CLUL1: variants seen among roughly 807,000 people sequenced by gnomAD.
The protein encoded by CLUL1 is clusterin-like protein 1.
A neutral mutation model predicts 49.4 loss-of-function variants in CLUL1; 43 were observed. The ratio of observed to expected loss-of-function variants is 0.87; its 90% CI spans 0.68 to 1.12. The LOEUF (loss-of-function observed/expected upper bound fraction) is 1.12. Ranked by LOEUF, CLUL1 falls within the 50% of genes most tolerant of loss-of-function variation. CLUL1 has a pLI of 0.00. For synonymous variants in CLUL1, 192 were observed against 184.9 expected (o/e 1.04, Z -0.31); for missense variants, 486 against 544.4 (o/e 0.89, Z 1.07).
intron 1 of CLUL1, among the ~76,000 whole-genome samples, chr18:603,008 G>A (rs1269969009): frequency 6.6e-6 from 1 of 152,074 alleles, no homozygotes; most frequent in Non-Finnish European, 1.5e-5. Flanking sequence ...GGGTCACTGG[G>A]GTGTCATTAG....
At position 606,939 on chromosome 18, in the gene CLUL1, C is replaced by T; in HGVS notation, c.-135-39C>T. The T allele has an allele frequency of 1.7e-6, 1 of 595,484 alleles. No homozygotes were observed. The highest frequency in any genetic ancestry group is 3.0e-6 in the Non-Finnish European group (1 of 335,914). 36.9% of individuals were successfully genotyped at this position (595,484 alleles called of 1,614,324 possible). ...ATATTTGTAATAATTTTAGGCGGCTCCCTAAAATTTCTTTTCTTTTTTCTT... is the reference window on the plus strand; with the variant it reads ...ATATTTGTAATAATTTTAGGCGGCTTCCTAAAATTTCTTTTCTTTTTTCTT... On this transcript the variant is annotated intron_variant, in intron 1 of 9. Transcript: ENST00000692774. The surrounding 1 kb of genome is among the most constrained non-coding windows in gnomAD (Gnocchi z 4.1).
At chr18:626,868 A>G (rs549165302) in intron 5 of CLUL1, among the ~76,000 whole-genome samples, 4 of 168 alleles carry the variant, frequency 0.024, no homozygotes, top group Non-Finnish European at 0.33. Flanking sequence ...CTCAAATAAG[A>G]AAGAAAGAAA....
chr18:649,800 T>C, intron 9 of CLUL1, 98 bp from the exon 10 acceptor site: 1 of 799,550 alleles, frequency 1.3e-6, no homozygotes, highest in Non-Finnish European at 2.1e-6. Flanking sequence ...AGGTATTCTA[T>C]TACCCATCCT....
intron 2 of CLUL1, among the ~76,000 whole-genome samples, chr18:617,387 T>C (rs1598417701): frequency 6.6e-6 from 1 of 152,050 alleles, no homozygotes; most frequent in South Asian, 2.1e-4. Flanking sequence ...CTGAGGTCAG[T>C]AGTTCGAGAC....
Position 626,930 on chromosome 18 carries a change from GGAA to G in CLUL1, c.424-166_424-164del, listed in dbSNP as rs1567966690. Among the ~76,000 whole-genome samples, 35 of 9,968 alleles carry G rather than the reference GGAA, an allele frequency of 3.5e-3. 7 individuals carry two copies. The highest frequency in any genetic ancestry group is 5.2e-3 in the Non-Finnish European group (23 of 4,432). 6.5% of individuals were successfully genotyped at this position (9,968 alleles called of 152,430 possible). A position where few individuals can be genotyped will look rare whatever the true frequency, so the allele number is the denominator to read the frequency against. On this transcript the variant is annotated intron_variant, in intron 5 of 9. Transcript: ENST00000692774. ...AAGAAAGAAAGAAAGAAAGAAAGAA[GGAA>G]AGAAGGAAAGAAGGAAGGAAGGAAG...
At chr18:604,755 A>G (rs1195904457) in intron 1 of CLUL1, among the ~76,000 whole-genome samples, 2 of 152,248 alleles carry the variant, frequency 1.3e-5, no homozygotes, top group African/African-American at 4.8e-5. Context: ...TGAGTGGCAT[A>G]GAATTTATTA....
intron 2 of CLUL1, among the ~76,000 whole-genome samples, chr18:607,667 A>G (rs1044952601): frequency 1.3e-5 from 2 of 152,014 alleles, no homozygotes; most frequent in African/African-American, 4.8e-5. Flanking sequence ...GGCTCCAGTG[A>G]TGCTCCCACA....
intron 7 of CLUL1, among the ~76,000 whole-genome samples, chr18:639,223 G>A (rs1261386878): frequency 6.7e-6 from 1 of 150,292 alleles, no homozygotes; most frequent in African/African-American, 2.5e-5. Context: ...TCAGGAGTTC[G>A]AGACCAGCCT....
At chr18:635,894 A>G (rs1285713477) in intron 7 of CLUL1, among the ~76,000 whole-genome samples, 1 of 151,904 alleles carries the variant, frequency 6.6e-6, no homozygotes, top group African/African-American at 2.4e-5. Context: ...GCGCCACCAT[A>G]CCTGGCTGAT....
chr18:627,364 G>A lies in CLUL1; in HGVS notation c.691G>A (p.Ala231Thr). The change falls in exon 6 of 10, where the codon GCT becomes ACT. Residue 231 changes from alanine to threonine, a missense_variant. Transcript: ENST00000692774. ...CCTAACTGAGCCTTACTTTTTTCCA[G>A]CTTTCTCTAAAGAGCCGATGACAAA... ...TDLTEPYFFP[A>T]FSKEPMTKAD... 1 of 1,614,060 alleles carries A rather than the reference G, an allele frequency of 6.2e-7. No individual in the cohort carries two copies. Among genetic ancestry groups the A allele is most frequent in the Non-Finnish European group, 8.5e-7 (1 of 1,180,002 alleles).
At position 613,633 on chromosome 18, in the gene CLUL1, T is replaced by C. The variant is rs558475422; in HGVS notation, c.-13-4355T>C. On this transcript the variant is annotated intron_variant, in intron 2 of 9. Transcript: ENST00000692774. ...CCACCCCCAGCTAATTTTTGTATTT[T>C]TAGTAGAGATGGGGTTTCACCATGT... Among the ~76,000 whole-genome samples the C allele has an allele frequency of 6.4e-3, 962 of 151,064 alleles. 5 individuals carry two copies. The highest frequency in any genetic ancestry group is 0.013 in the Admixed American group (191 of 15,140).
At chr18:621,693 T>C (rs1048498131) in intron 4 of CLUL1, among the ~76,000 whole-genome samples, 1 of 152,202 alleles carries the variant, frequency 6.6e-6, no homozygotes, top group African/African-American at 2.4e-5. Context: ...TTTCATTTTA[T>C]AGCTAAGAAA....
rs372989815 is a variant in CLUL1 at position 627,118 on chromosome 18, A to C, written c.445A>C (p.Ile149Leu). ...KNKIERFFRK[I>L]YQFLFPFHED... ...ACAGATTGAACGGTTTTTCAGGAAG[A>C]TATATCAATTTCTATTTCCTTTCCA... Residue 149 changes from isoleucine to leucine, a missense_variant, in exon 6 of 10, where the codon ATA becomes CTA. By Grantham distance (5) the Ile-to-Leu change is conservative (BLOSUM62 2). Coordinates refer to ENST00000692774, the MANE Select transcript of CLUL1 (RefSeq NM_001393344.1). 5.6e-6 allele frequency: 9 copies of C among 1,611,360 alleles called. No homozygotes were observed. Among genetic ancestry groups the C allele is most frequent in the African/African-American group, 1.3e-5 (1 of 74,680 alleles).
intron 4 of CLUL1, among the ~76,000 whole-genome samples, chr18:620,247 C>A (rs1431736070): frequency 6.6e-6 from 1 of 152,108 alleles, no homozygotes; most frequent in African/African-American, 2.4e-5. Flanking sequence ...CTGATTAGAT[C>A]ACCATAGTTT....
intron 1 of CLUL1, among the ~76,000 whole-genome samples, chr18:605,274 G>A (rs1231433490): frequency 6.6e-6 from 1 of 152,172 alleles, no homozygotes; most frequent in Non-Finnish European, 1.5e-5. Flanking sequence ...TCCTCAAATA[G>A]TTTTTAAATT....
intron 4 of CLUL1, among the ~76,000 whole-genome samples, chr18:623,168 G>A (rs1328935103): frequency 6.6e-6 from 1 of 152,024 alleles, no homozygotes; most frequent in African/African-American, 2.4e-5. Flanking sequence ...AAGTGGCTGG[G>A]ATTACAGGCA....
chr18:620,643 C>T (rs1025488541), intron 4 of CLUL1, among the ~76,000 whole-genome samples: 1 of 152,102 alleles, frequency 6.6e-6, no homozygotes, highest in Non-Finnish European at 1.5e-5. Flanking sequence ...AATGCATCAG[C>T]CTAATCACTT....
chr18:646,303 TG>T (rs2074505439), intron 9 of CLUL1, among the ~76,000 whole-genome samples: 1 of 152,088 alleles, frequency 6.6e-6, no homozygotes, highest in South Asian at 2.1e-4. Context: ...CAGGATTTGT[TG>T]CCTCTCCCTT....
chr18:641,375 G>C lies in CLUL1; in HGVS notation c.1043G>C (p.Arg348Thr), dbSNP rs2074339642. ...CACACAGAATTAGACGAGGCGATCA[G>C]GTTGGTCAATGTATCCAATCAGCAG... ...ALHTELDEAI[R>T]LVNVSNQQYG... The change falls in exon 8 of 10, where the codon AGG becomes ACG. Residue 348 changes from arginine to threonine, a missense_variant. By Grantham distance (71) the Arg-to-Thr change is moderately conservative. Transcript: ENST00000692774. The C allele has an allele frequency of 6.2e-7, 1 of 1,614,210 alleles. No individual in the cohort carries two copies. Among genetic ancestry groups the C allele is most frequent in the African/African-American group, 1.3e-5 (1 of 75,064 alleles).
Sources: gnomAD v4.1 joint callset for allele counts (sites outside exome capture counted in the v4.1 genomes callset) on GRCh38, gnomAD v4.1.1 for gene constraint, Gnocchi (gnomAD v3.1) non-coding constraint, MANE v1.5 for transcripts, NCBI Gene and HGNC (gene_info 2026-07-23, HGNC 2026-07-21) for gene names.